GRIP1: variants seen among roughly 807,000 people sequenced by gnomAD.
The protein encoded by GRIP1 is glutamate receptor interacting protein 1.
GRIP1 carries 45 observed loss-of-function variants against 129.9 expected under a neutral mutation model. The ratio of observed to expected loss-of-function variants is 0.35; its 90% CI spans 0.27 to 0.44. The LOEUF (loss-of-function observed/expected upper bound fraction) is 0.44, where lower values mean the gene tolerates loss of function less well. Among genes scored for constraint, GRIP1 ranks in the 20% least tolerant of loss-of-function variants. The probability of loss-of-function intolerance (pLI) is 1.00; values close to 1 mark genes in which losing one functional copy is unlikely to be tolerated. For missense variants in GRIP1, 1,196 were observed against 1,396.8 expected (o/e 0.86, Z 2.29); for synonymous variants, 530 against 520.8 (o/e 1.02, Z -0.24).
chr12:67,048,752 T>C (rs1266508870), intron 1 of GRIP1, among the ~76,000 whole-genome samples: 2 of 152,104 alleles, frequency 1.3e-5, no homozygotes, highest in African/African-American at 4.8e-5. Context: ...AGTGAATAAG[T>C]CTCACGAATA....
intron 2 of GRIP1, among the ~76,000 whole-genome samples, chr12:66,553,316 C>G (rs554366926): frequency 6.6e-6 from 1 of 152,196 alleles, no homozygotes; most frequent in East Asian, 1.9e-4. Flanking sequence ...GTCCCTCCCT[C>G]TCTTCCTCAT....
At position 66,498,868 on chromosome 12, in the gene GRIP1, T is replaced by C. The variant is rs74760455; in HGVS notation, c.724+16751A>G. Among the ~76,000 whole-genome samples, 32 of 152,310 alleles carry C rather than the reference T, an allele frequency of 2.1e-4. No homozygotes were observed. The East Asian group carries it at 5.8e-3, about 28-fold the overall frequency. ...AGAGGCCTTGGAGTGAAATAGTCTT[T>C]GTACTACAAGGAGGAGAAGATTATA... On this transcript the variant is annotated intron_variant, in intron 7 of 24. Coordinates refer to ENST00000359742, the MANE Select transcript of GRIP1 (RefSeq NM_001366722.1).
At chr12:66,639,709 G>T (rs1274759821) in intron 1 of GRIP1, among the ~76,000 whole-genome samples, 4 of 152,156 alleles carry the variant, frequency 2.6e-5, no homozygotes, top group African/African-American at 9.7e-5. Flanking sequence ...CTAGTTAAAA[G>T]TCTAAAATTT....
intron 23 of GRIP1, among the ~76,000 whole-genome samples, chr12:66,361,429 G>T (rs1375228926): frequency 1.3e-5 from 2 of 152,190 alleles, no homozygotes; most frequent in South Asian, 2.1e-4. Flanking sequence ...AACCAAAAAA[G>T]TTACACAGTT....
intron 1 of GRIP1, among the ~76,000 whole-genome samples, chr12:66,641,998 G>A (rs895310844): frequency 2.6e-5 from 4 of 152,206 alleles, no homozygotes; most frequent in African/African-American, 9.6e-5. Flanking sequence ...AGAATTGACT[G>A]TGTGCCCTCA....
In GRIP1 at chr12:66,523,041, A is replaced by T. The variant is rs964664704; in HGVS notation, c.503-5065T>A. Among the ~76,000 whole-genome samples, 201 of 152,246 alleles carry T rather than the reference A, an allele frequency of 1.3e-3. 1 individual carries two copies. The highest frequency in any genetic ancestry group is 1.6e-3 in the Non-Finnish European group (109 of 68,012). On this transcript the variant is annotated intron_variant, in intron 5 of 24. Coordinates refer to ENST00000359742, the MANE Select transcript of GRIP1 (RefSeq NM_001366722.1). ...ATATGGGACTATGTGAAAAGACCAA[A>T]TCTACGTCTGACTGGTGTACCTGAA... is the stretch of plus-strand genomic sequence containing the variant.
At chr12:66,757,003 G>T (rs1331048740) in intron 1 of GRIP1, among the ~76,000 whole-genome samples, 1 of 152,112 alleles carries the variant, frequency 6.6e-6, no homozygotes, top group Non-Finnish European at 1.5e-5. Context: ...GGGATACATG[G>T]AATATTTTGA....
chr12:66,823,935 C>G (rs1447413728), intron 1 of GRIP1, among the ~76,000 whole-genome samples: 2 of 152,284 alleles, frequency 1.3e-5, no homozygotes, highest in East Asian at 3.9e-4. Context: ...AACTCTGAAA[C>G]AGACAGCCTG....
At chr12:66,894,643 A>G (rs1372598770) in intron 1 of GRIP1, among the ~76,000 whole-genome samples, 2 of 152,066 alleles carry the variant, frequency 1.3e-5, no homozygotes, top group African/African-American at 4.8e-5. Context: ...TATGCCCAGG[A>G]CTGCCAAGGC....
At chr12:67,030,204 C>T (rs1053218682) in intron 1 of GRIP1, among the ~76,000 whole-genome samples, 2 of 143,936 alleles carry the variant, frequency 1.4e-5, no homozygotes, top group African/African-American at 5.1e-5. Flanking sequence ...GAGCGAGACT[C>T]TGTCTCAAAT....
At chr12:66,593,406 A>C (rs1050582362) in intron 2 of GRIP1, among the ~76,000 whole-genome samples, 1 of 152,234 alleles carries the variant, frequency 6.6e-6, no homozygotes, top group African/African-American at 2.4e-5. Context: ...ATAAAAACAA[A>C]TTATGATTCT....
intron 2 of GRIP1, among the ~76,000 whole-genome samples, chr12:66,557,558 T>C (rs549111571): frequency 6.6e-6 from 1 of 152,292 alleles, no homozygotes; most frequent in Non-Finnish European, 1.5e-5. Flanking sequence ...GAATAGATCA[T>C]ATGTTAGCAC....
chr12:66,622,312 T>C (rs1277945765), intron 1 of GRIP1, among the ~76,000 whole-genome samples: 1 of 151,990 alleles, frequency 6.6e-6, no homozygotes, highest in East Asian at 1.9e-4. Context: ...GGGTAATGGG[T>C]ACAAAAATAT....
At chr12:66,960,308 CAT>C (rs1287761138) in intron 1 of GRIP1, among the ~76,000 whole-genome samples, 1 of 152,078 alleles carries the variant, frequency 6.6e-6, no homozygotes, top group Non-Finnish European at 1.5e-5. Context: ...GAGAGCTGTA[CAT>C]ACGGAGAGAA....
intron 1 of GRIP1, among the ~76,000 whole-genome samples, chr12:66,902,859 G>A (rs74098138): frequency 1.5e-3 from 234 of 152,284 alleles, no homozygotes; most frequent in African/African-American, 5.1e-3. Context: ...GAACAGTAAA[G>A]ATACATGTTC....
At chr12:66,479,290 C>A (rs74588011) in intron 7 of GRIP1, among the ~76,000 whole-genome samples, 3 of 152,120 alleles carry the variant, frequency 2.0e-5, no homozygotes, top group African/African-American at 4.8e-5. Flanking sequence ...ACTATAAATA[C>A]CTCTATACAA....
intron 1 of GRIP1, among the ~76,000 whole-genome samples, chr12:66,788,726 T>C (rs528175960): frequency 1.3e-5 from 2 of 152,142 alleles, no homozygotes; most frequent in African/African-American, 4.8e-5. Context: ...ATCTAGAACT[T>C]GGATCCTGCC....
At position 66,371,917 on chromosome 12, in the gene GRIP1, A is replaced by G. The variant is rs2055527044; in HGVS notation, c.2789T>C (p.Met930Thr). The G allele has an allele frequency of 6.2e-7, 1 of 1,608,334 alleles. No homozygotes were observed. The highest frequency in any genetic ancestry group is 8.5e-7 in the Non-Finnish European group (1 of 1,177,056). ...LRNMTLLATI[M>T]SGSTMSLNHE... ...ATTCAAACTCATCGTGCTCCCCGAC[A>G]TGATTGTTGCCTGTGGCATTGACAA... Residue 930 changes from methionine (M) to threonine (T), a missense_variant, in exon 23 of 25, where the codon ATG becomes ACG. By Grantham distance (81) the Met-to-Thr change is moderately conservative. This residue lies in a region of GRIP1 where 427 missense variants were observed against 463.3 expected (regional missense o/e 0.92). Coordinates refer to ENST00000359742, the MANE Select transcript of GRIP1 (RefSeq NM_001366722.1).
chr12:66,977,786 T>G (rs1217570709), intron 1 of GRIP1, among the ~76,000 whole-genome samples: 2 of 149,566 alleles, frequency 1.3e-5, no homozygotes, highest in Non-Finnish European at 3.0e-5. Context: ...TTTATTACTA[T>G]AGTCAGTTCT....
Sources: gnomAD v4.1 joint callset for allele counts (sites outside exome capture counted in the v4.1 genomes callset) on GRCh38, gnomAD v4.1.1 for gene constraint, gnomAD v4.1.1 regional missense constraint, MANE v1.5 for transcripts, NCBI Gene and HGNC (gene_info 2026-07-23, HGNC 2026-07-21) for gene names.